The following MS4A1 variants were observed in gnomAD, a reference collection of about 807,000 sequenced individuals.
MS4A1 encodes the protein B-lymphocyte antigen CD20.
Under a neutral mutation model 26.5 loss-of-function variants are expected in MS4A1, and 16 were observed. The ratio of observed to expected loss-of-function variants is 0.60; its 90% CI spans 0.41 to 0.92. The LOEUF (loss-of-function observed/expected upper bound fraction) is 0.92. MS4A1 is among the 40% of genes least tolerant of loss of function. The probability of loss-of-function intolerance (pLI) is 0.00; values close to 1 mark genes in which losing one functional copy is unlikely to be tolerated. For synonymous variants in MS4A1, 128 were observed against 117.6 expected (o/e 1.09, Z -0.57); for missense variants, 350 against 353.0 (o/e 0.99, Z 0.07).
At position 60,470,744 on chromosome 11, in the gene MS4A1, C is replaced by T. The variant is rs952905317; in HGVS notation, c.*2276C>T. The T allele has an allele frequency of 6.6e-6, 1 of 151,832 alleles. No individual in the cohort carries two copies. The highest frequency in any genetic ancestry group is 2.4e-5 in the African/African-American group (1 of 41,374). 9.4% of individuals were successfully genotyped at this position (151,832 alleles called of 1,614,324 possible). A position where few individuals can be genotyped will look rare whatever the true frequency, so the allele number is the denominator to read the frequency against. On this transcript the variant is annotated 3_prime_UTR_variant, in exon 8 of 8. Coordinates refer to ENST00000345732, the MANE Select transcript of MS4A1 (RefSeq NM_152866.3). ...CACAAAGGAAATAAACTTTAAAAAC[C>T]CAAGTGCACTCATTGACTAGGAGGC...
chr11:60,469,660 G>C lies in MS4A1; in HGVS notation c.*1192G>C, dbSNP rs202217895. The C allele has an allele frequency of 6.6e-6, 1 of 152,018 alleles. No individual in the cohort carries two copies. The highest frequency in any genetic ancestry group is 3.2e-3 in the Middle Eastern group (1 of 316). 9.4% of individuals were successfully genotyped at this position (152,018 alleles called of 1,614,324 possible). Reference sequence around the variant, plus strand: ...TTGCATCATAAATATATAATAACTGGTAGTTTATATGAAGCAGACACTAAG... The same window carrying C: ...TTGCATCATAAATATATAATAACTGCTAGTTTATATGAAGCAGACACTAAG... On this transcript the variant is annotated 3_prime_UTR_variant, in exon 8 of 8. Transcript: ENST00000345732.
At chr11:60,462,621 C>A (rs2135197601) in intron 3 of MS4A1, 88 bp downstream of exon 3, 1 of 1,550,386 alleles carries the variant, frequency 6.5e-7, no homozygotes, top group Non-Finnish European at 8.9e-7. Flanking sequence ...GAATTCAATC[C>A]AATTTGAAGA....
At position 60,462,700 on chromosome 11, in the gene MS4A1, G is replaced by T. The variant is rs117253458; in HGVS notation, c.159+167G>T. ...GCCAAATCAGGGGTGCATCAGAGAA[G>T]TTATCACTTAGATCACCTCTGGGTG... On this transcript the variant is annotated intron_variant, in intron 3 of 7. Coordinates refer to ENST00000345732, the MANE Select transcript of MS4A1 (RefSeq NM_152866.3). Among the ~76,000 whole-genome samples the T allele has an allele frequency of 5.4e-3, 819 of 152,288 alleles. 1 individual carries two copies. Among genetic ancestry groups the T allele is most frequent in the Non-Finnish European group, 9.9e-3 (673 of 68,004 alleles).
chr11:60,465,389 T>C (rs979920812), intron 5 of MS4A1, among the ~76,000 whole-genome samples: 1 of 152,230 alleles, frequency 6.6e-6, no homozygotes, highest in Admixed American at 6.5e-5. Flanking sequence ...GAATAGATGT[T>C]GTTACTGTTG....
At chr11:60,467,191 G>T (rs904434423) in intron 7 of MS4A1, 131 bp downstream of exon 7, 2 of 764,748 alleles carry the variant, frequency 2.6e-6, no homozygotes, top group Non-Finnish European at 4.5e-6. Context: ...ATTGGTCTTG[G>T]CATATTTCTA....
At chr11:60,468,227 G>A in intron 7 of MS4A1, 23 bp from the exon 8 acceptor site, 1 of 1,558,514 alleles carries the variant, frequency 6.4e-7, no homozygotes, top group Non-Finnish European at 8.8e-7. Flanking sequence ...GTAAAGAATG[G>A]TTTGTTTAAT....
At position 60,463,137 on chromosome 11, in the gene MS4A1, G is replaced by A. The variant is rs751358412; in HGVS notation, c.279+16G>A. On this transcript the variant is annotated intron_variant, in intron 4 of 7. Coordinates refer to ENST00000345732, the MANE Select transcript of MS4A1 (RefSeq NM_152866.3). ...AGGCATTATGGTGAGTAAAAGAATAGCAGCCATTTGGGAAATGGTGCAGAC... is the reference window on the plus strand; with the variant it reads ...AGGCATTATGGTGAGTAAAAGAATAACAGCCATTTGGGAAATGGTGCAGAC... The A allele has an allele frequency of 6.2e-6, 10 of 1,613,998 alleles. No homozygotes were observed. The highest frequency in any genetic ancestry group is 8.5e-6 in the Non-Finnish European group (10 of 1,179,996).
intron 1 of MS4A1, among the ~76,000 whole-genome samples, chr11:60,456,183 AAGT>A (rs2086201812): frequency 6.6e-6 from 1 of 151,860 alleles, no homozygotes; most frequent in African/African-American, 2.4e-5. Context: ...CATTCCACAA[AAGT>A]AGTAGATTGC....
At chr11:60,464,479 T>C (rs920625692) in intron 5 of MS4A1, 135 bp downstream of exon 5, 70 of 745,744 alleles carry the variant, frequency 9.4e-5, no homozygotes, top group Non-Finnish European at 1.9e-5. Flanking sequence ...CACAATGTTA[T>C]TGTGATTTTA....
intron 7 of MS4A1, 139 bp from the exon 8 acceptor site, chr11:60,468,111 A>G (rs1256770914): frequency 1.1e-5 from 8 of 723,968 alleles, no homozygotes; most frequent in Non-Finnish European, 1.8e-5. Flanking sequence ...CTGCAAAAAA[A>G]TTTTGGCATT....
At chr11:60,467,470 T>G (rs559642423) in intron 7 of MS4A1, among the ~76,000 whole-genome samples, 1 of 151,894 alleles carries the variant, frequency 6.6e-6, no homozygotes, top group East Asian at 1.9e-4. Flanking sequence ...GAGACGGGGG[T>G]TCACCATGTT....
chr11:60,460,054 T>C (rs1204035286), intron 1 of MS4A1, among the ~76,000 whole-genome samples: 1 of 152,106 alleles, frequency 6.6e-6, no homozygotes, highest in Admixed American at 6.6e-5. Flanking sequence ...AAGACCAGCC[T>C]GGGCAACATG....
Position 60,462,303 on chromosome 11 carries a change from G to A in MS4A1, c.-72G>A. The A allele has an allele frequency of 6.4e-7, 1 of 1,552,094 alleles. No individual in the cohort carries two copies. The highest frequency in any genetic ancestry group is 1.7e-4 in the Middle Eastern group (1 of 5,950). ...CATTCAGATGCATGACACAAGGTAAGACTGCCAAAAATCTTGTTCTTGCTC... is the reference window on the plus strand; with the variant it reads ...CATTCAGATGCATGACACAAGGTAAAACTGCCAAAAATCTTGTTCTTGCTC... On this transcript the variant is annotated 5_prime_UTR_variant, in exon 3 of 8. Coordinates refer to ENST00000345732, the MANE Select transcript of MS4A1 (RefSeq NM_152866.3).
In MS4A1 at chr11:60,463,090, C is replaced by A; in HGVS notation, c.248C>A (p.Thr83Asn). The change falls in exon 4 of 8, where the codon ACT (threonine) becomes AAT (asparagine). Residue 83 changes from threonine to asparagine, a missense_variant. By Grantham distance (65) the Thr-to-Asn change is moderately conservative. Coordinates refer to ENST00000345732, the MANE Select transcript of MS4A1 (RefSeq NM_152866.3). The stretch of plus-strand genomic sequence containing the variant: ...GGGATCTATGCACCCATCTGTGTGA[C>A]TGTGTGGTACCCTCTCTGGGGAGGC... ...PAGIYAPICV[T>N]VWYPLWGGIM... 1 of 1,614,184 alleles carries A rather than the reference C, an allele frequency of 6.2e-7. No individual in the cohort carries two copies. The highest frequency in any genetic ancestry group is 8.5e-7 in the Non-Finnish European group (1 of 1,180,026).
Position 60,466,013 on chromosome 11 carries a change from T to A in MS4A1, c.429T>A (p.Ile143=). ...TCATGGACATACTTAATATTAAAAT[T>A]TCCCATTTTTTAAAAATGGAGAGTC... ...LSIMDILNIK[I]SHFLKMESLN... is the part of the protein sequence containing the mutation. Residue 143 remains isoleucine, a synonymous_variant, in exon 6 of 8, where the codon ATT becomes ATA. Transcript: ENST00000345732. The A allele has an allele frequency of 2.5e-6, 4 of 1,613,804 alleles. No homozygotes were observed. The highest frequency in any genetic ancestry group is 3.4e-6 in the Non-Finnish European group (4 of 1,179,768).
At position 60,468,236 on chromosome 11, in the gene MS4A1, AT is replaced by A. The variant is rs756189376; in HGVS notation, c.676-10del. 6.3e-7 allele frequency: 1 copy of A among 1,588,598 alleles called. No individual in the cohort carries two copies. Among genetic ancestry groups the A allele is most frequent in the Admixed American group, 1.7e-5 (1 of 58,992 alleles). On this transcript the variant is annotated splice_polypyrimidine_tract_variant and intron_variant, in intron 7 of 7. Coordinates refer to ENST00000345732, the MANE Select transcript of MS4A1 (RefSeq NM_152866.3). ...GTAAAAGTAAAGAATGGTTTGTTTAATTTTCTGTTTTAGAACATAGTTCTCC... is the reference window on the plus strand; with the variant it reads ...GTAAAAGTAAAGAATGGTTTGTTTAATTTCTGTTTTAGAACATAGTTCTCC...
At chr11:60,459,139 C>T (rs1390787550) in intron 1 of MS4A1, among the ~76,000 whole-genome samples, 1 of 152,202 alleles carries the variant, frequency 6.6e-6, no homozygotes, top group Admixed American at 6.5e-5. Context: ...AATGGCAGTC[C>T]AATCATCTCC....
chr11:60,467,367 T>C (rs779660730), intron 7 of MS4A1, among the ~76,000 whole-genome samples: 12 of 149,808 alleles, frequency 8.0e-5, no homozygotes, highest in Non-Finnish European at 1.6e-4. Context: ...AACCTCTGCC[T>C]CCGGGTTCAG....
chr11:60,457,011 A>G (rs915676116), intron 1 of MS4A1, among the ~76,000 whole-genome samples: 2 of 152,216 alleles, frequency 1.3e-5, no homozygotes, highest in Non-Finnish European at 2.9e-5. Context: ...CATAGTACAT[A>G]GAAAACAGGT....
Sources: gnomAD v4.1 joint callset for allele counts (sites outside exome capture counted in the v4.1 genomes callset) on GRCh38, gnomAD v4.1.1 for gene constraint, MANE v1.5 for transcripts, NCBI Gene and HGNC (gene_info 2026-07-23, HGNC 2026-07-21) for gene names.